The following CCNH variants were observed in gnomAD, a reference collection of about 807,000 sequenced individuals.
CCNH encodes cyclin-H.
A neutral mutation model predicts 41.9 loss-of-function variants in CCNH; 31 were observed. The ratio of observed to expected loss-of-function variants is 0.74; its 90% CI spans 0.56 to 1.00. CCNH has a LOEUF of 1.00. Among genes scored for constraint, CCNH ranks in the 50% least tolerant of loss-of-function variants. CCNH has a pLI of 0.00. For synonymous variants in CCNH, 138 were observed against 136.1 expected, an observed-to-expected ratio of 1.01 and a Z score of -0.10; for missense variants, 362 against 388.4, an observed-to-expected ratio of 0.93 and a Z score of 0.57.
At chr5:87,362,293 C>A (rs959441647) in intron 9 of CCNH, among the ~76,000 whole-genome samples, 2 of 152,062 alleles carry the variant, frequency 1.3e-5, no homozygotes, top group Non-Finnish European at 2.9e-5. Context: ...TATTAGGTAT[C>A]CATGGAAACA....
upstream of CCNH, chr5:87,378,665 CCTGT>C (rs1263652127): frequency 1.4e-5 from 14 of 971,470 alleles, no homozygotes; most frequent in Admixed American, 1.8e-4. Flanking sequence ...AGCAGTTACA[CCTGT>C]CTGTAATACA....
At position 87,404,838 on chromosome 5, in the gene CCNH, T is replaced by C; in HGVS notation, c.689+6A>G. On this transcript the variant is annotated splice_donor_region_variant and intron_variant, in intron 5 of 8. Transcript: ENST00000256897. ...ATTTGACCTAAGTTAAAAAACTAAT[T>C]AATACCTTTCCATAGTAATTCCAGC... 1 of 1,594,912 alleles carries C rather than the reference T, an allele frequency of 6.3e-7. No homozygotes were observed. The highest frequency in any genetic ancestry group is 1.1e-5 in the South Asian group (1 of 87,444).
chr5:87,315,550 T>TC (rs962463794), downstream of CCNH, among the ~76,000 whole-genome samples: 2 of 152,186 alleles, frequency 1.3e-5, no homozygotes, highest in African/African-American at 4.8e-5. Flanking sequence ...CATAGCAGCT[T>TC]CCTTTTAAAA....
At chr5:87,345,784 T>C (rs1469694975) in intron 9 of CCNH, among the ~76,000 whole-genome samples, 1 of 152,148 alleles carries the variant, frequency 6.6e-6, no homozygotes, top group Non-Finnish European at 1.5e-5. Flanking sequence ...TATATTTACT[T>C]TCTAGCTTGC....
chr5:87,368,755 A>T (rs1445858184), intron 9 of CCNH, among the ~76,000 whole-genome samples: 1 of 152,196 alleles, frequency 6.6e-6, no homozygotes. Context: ...TCTCAGCTAC[A>T]CAGCCAGCTT....
At chr5:87,389,331 C>G (rs1189958314), downstream of CCNH, 3 of 1,588,364 alleles carry the variant, frequency 1.9e-6, no homozygotes, top group Non-Finnish European at 2.6e-6. Flanking sequence ...AACTCTGTCT[C>G]AAAAAAAACA....
Position 87,362,242 on chromosome 5 carries a change from G to T in CCNH, c.*90+30528C>A, listed in dbSNP as rs77197677. Among the ~76,000 whole-genome samples the T allele has an allele frequency of 0.015, 2,210 of 152,258 alleles. 33 individuals are homozygous for T. The highest frequency in any genetic ancestry group is 0.041 in the African/African-American group (1,698 of 41,564). ...GGACAAGTTTATGTTTTTAAAACATGATTTGCTGTAAAATATAACTGACTG... is the reference window on the plus strand; with the variant it reads ...GGACAAGTTTATGTTTTTAAAACATTATTTGCTGTAAAATATAACTGACTG... On this transcript the variant is annotated intron_variant and NMD_transcript_variant, in intron 9 of 9. Transcript: ENST00000645953.
At chr5:87,356,572 T>TA (rs1341023310) in intron 9 of CCNH, among the ~76,000 whole-genome samples, 1 of 152,072 alleles carries the variant, frequency 6.6e-6, no homozygotes, top group Non-Finnish European at 1.5e-5. Context: ...TTTGTAGAGA[T>TA]AGAGTCTTGC....
chr5:87,334,956 TCA>T (rs1385367050), intron 9 of CCNH, among the ~76,000 whole-genome samples: 2 of 152,154 alleles, frequency 1.3e-5, no homozygotes, highest in Non-Finnish European at 2.9e-5. Flanking sequence ...CGATCTTGCC[TCA>T]CTGCAATCTC....
downstream of CCNH, chr5:87,390,664 T>A: frequency 2.7e-6 from 2 of 748,040 alleles, no homozygotes; most frequent in Admixed American, 4.1e-5. Context: ...TAATAGAGAC[T>A]TATGTTTTGA....
intron 9 of CCNH, among the ~76,000 whole-genome samples, chr5:87,386,240 A>AT (rs1441287275): frequency 1.3e-5 from 2 of 151,880 alleles, no homozygotes; most frequent in African/African-American, 4.8e-5. Flanking sequence ...TTTCTTACTG[A>AT]TTTTAAAAGA....
chr5:87,340,632 A>G (rs1445913884), intron 9 of CCNH, among the ~76,000 whole-genome samples: 1 of 152,126 alleles, frequency 6.6e-6, no homozygotes, highest in African/African-American at 2.4e-5. Flanking sequence ...ACATAGTAAA[A>G]GGGGGATGTC....
chr5:87,349,227 C>T lies in CCNH; in HGVS notation c.*91-30330G>A, dbSNP rs2112421478. The T allele has an allele frequency of 2.5e-6, 4 of 1,611,770 alleles. No individual in the cohort carries two copies. The Middle Eastern group carries it at 5.0e-4, about 200-fold the overall frequency. On this transcript the variant is annotated intron_variant and NMD_transcript_variant, in intron 9 of 9. Transcript: ENST00000645953. ...TAATTCTTACAGTTGGTCAAGTCTGCAGTTTTCTTGTGAGGCCCTCAGATA... is the reference window on the plus strand; with the variant it reads ...TAATTCTTACAGTTGGTCAAGTCTGTAGTTTTCTTGTGAGGCCCTCAGATA...
chr5:87,345,804 T>C (rs2112412173), intron 9 of CCNH, among the ~76,000 whole-genome samples: 1 of 152,232 alleles, frequency 6.6e-6, no homozygotes, highest in South Asian at 2.1e-4. Context: ...CTCTTTATTA[T>C]TAAAAATACT....
intron 9 of CCNH, among the ~76,000 whole-genome samples, chr5:87,347,540 A>G (rs984371867): frequency 7.2e-5 from 11 of 152,006 alleles, no homozygotes; most frequent in Admixed American, 4.6e-4. Context: ...AATAGTTTCT[A>G]TATTTGGTGA....
At chr5:87,394,984 T>C (rs1166849090) in intron 8 of CCNH, 60 bp downstream of exon 8, 2 of 1,610,116 alleles carry the variant, frequency 1.2e-6, no homozygotes, top group African/African-American at 2.7e-5. Context: ...CTTAACAGTA[T>C]AGTCACACCA....
At chr5:87,379,625 G>A, upstream of CCNH, 1 of 1,433,974 alleles carries the variant, frequency 7.0e-7, no homozygotes, top group Admixed American at 2.3e-5. Flanking sequence ...AATACACACA[G>A]AGATACCGAA....
intron 9 of CCNH, among the ~76,000 whole-genome samples, chr5:87,335,793 A>G (rs1757935231): frequency 6.6e-6 from 1 of 152,184 alleles, no homozygotes; most frequent in Non-Finnish European, 1.5e-5. Context: ...TCAGTGAACT[A>G]ATATTTTCTA....
intron 9 of CCNH, among the ~76,000 whole-genome samples, chr5:87,368,272 A>C (rs1369990916): frequency 6.6e-6 from 1 of 152,008 alleles, no homozygotes; most frequent in Non-Finnish European, 1.5e-5. Flanking sequence ...TCAGGACTTC[A>C]TTTTATTACA....
Sources: gnomAD v4.1 joint callset for allele counts (sites outside exome capture counted in the v4.1 genomes callset) on GRCh38, gnomAD v4.1.1 for gene constraint, MANE v1.5 for transcripts, NCBI Gene and HGNC (gene_info 2026-07-23, HGNC 2026-07-21) for gene names.